SDK1: variants seen among roughly 807,000 people sequenced by gnomAD.
SDK1 encodes the protein sidekick cell adhesion molecule 1.
Under a neutral mutation model 245.5 loss-of-function variants are expected in SDK1, and 157 were observed. The observed-to-expected ratio is 0.64, with a 90% CI of 0.56 to 0.73. SDK1 has a LOEUF of 0.73. SDK1 is among the 30% of genes least tolerant of loss of function. The pLI, the probability that SDK1 is intolerant of heterozygous loss-of-function variation, is 0.00. For missense variants in SDK1, 3,583 were observed against 3,002.3 expected (o/e 1.19, Z -4.52); for synonymous variants, 1,647 against 1,278.5 (o/e 1.29, Z -6.15).
chr7:3,657,767 G>A (rs964271534), intron 4 of SDK1, among the ~76,000 whole-genome samples: 3 of 152,132 alleles, frequency 2.0e-5, no homozygotes, highest in Non-Finnish European at 2.9e-5. Context: ...ATCTTTCTGC[G>A]AGACTACTCT....
chr7:4,052,478 A>G (rs1778932032), intron 19 of SDK1, among the ~76,000 whole-genome samples: 2 of 152,362 alleles, frequency 1.3e-5, no homozygotes, highest in Admixed American at 6.5e-5. Flanking sequence ...GGGAAAAAGT[A>G]TAGAATGACA....
At chr7:3,755,717 C>A (rs1435851594) in intron 4 of SDK1, among the ~76,000 whole-genome samples, 1 of 152,062 alleles carries the variant, frequency 6.6e-6, no homozygotes, top group Non-Finnish European at 1.5e-5. Context: ...TTTGTTTGCC[C>A]CTGTAATTTT....
At chr7:4,190,028 C>T (rs992075309) in intron 35 of SDK1, among the ~76,000 whole-genome samples, 2 of 152,110 alleles carry the variant, frequency 1.3e-5, no homozygotes, top group Non-Finnish European at 2.9e-5. Flanking sequence ...TTTCAGCTCC[C>T]GCTAGTGACA....
intron 1 of SDK1, among the ~76,000 whole-genome samples, chr7:3,465,476 G>A (rs1780970287): frequency 6.6e-6 from 1 of 152,186 alleles, no homozygotes; most frequent in South Asian, 2.1e-4. Context: ...ATACTCTCTT[G>A]TGCCTCACAT....
intron 17 of SDK1, among the ~76,000 whole-genome samples, chr7:4,041,816 T>C (rs150335807): frequency 0.011 from 1,513 of 133,176 alleles, 402 homozygotes; most frequent in African/African-American, 0.037. Context: ...ACAGCTGCAA[T>C]TTTTTTTTTC....
chr7:3,762,177 T>A (rs1780125243), intron 4 of SDK1, among the ~76,000 whole-genome samples: 1 of 152,220 alleles, frequency 6.6e-6, no homozygotes, highest in South Asian at 2.1e-4. Context: ...CCTACAACAA[T>A]CCTTTCAGCT....
At chr7:3,356,237 G>C (rs1039029384) in intron 1 of SDK1, among the ~76,000 whole-genome samples, 2 of 152,064 alleles carry the variant, frequency 1.3e-5, no homozygotes, top group African/African-American at 2.4e-5. Flanking sequence ...GTACCTTTTA[G>C]ATTTGACCTC....
chr7:4,121,801 ATTCT>A (rs1481566669), intron 25 of SDK1, among the ~76,000 whole-genome samples: 5 of 152,148 alleles, frequency 3.3e-5, no homozygotes, highest in Admixed American at 6.5e-5. Flanking sequence ...CAGTTATTAC[ATTCT>A]TTCTTATTTT....
intron 22 of SDK1, among the ~76,000 whole-genome samples, chr7:4,095,876 G>A (rs1020219009): frequency 3.3e-5 from 5 of 152,134 alleles, no homozygotes; most frequent in African/African-American, 1.2e-4. Context: ...GCCCAGCCTC[G>A]CTCATTTACT....
At chr7:3,698,839 A>G (rs1052009988) in intron 4 of SDK1, among the ~76,000 whole-genome samples, 23 of 152,168 alleles carry the variant, frequency 1.5e-4, no homozygotes, top group African/African-American at 4.1e-4. Context: ...ATCTAACCCT[A>G]ATTAGTTCCC....
At chr7:3,516,083 C>A (rs891055488) in intron 1 of SDK1, among the ~76,000 whole-genome samples, 2 of 150,534 alleles carry the variant, frequency 1.3e-5, no homozygotes, top group Non-Finnish European at 3.0e-5. Context: ...GTAGAACTCA[C>A]CTTTGTTCCT....
intron 2 of SDK1, among the ~76,000 whole-genome samples, chr7:3,636,070 A>G (rs1029225097): frequency 2.6e-5 from 4 of 152,194 alleles, no homozygotes; most frequent in Admixed American, 6.6e-5. Flanking sequence ...TACGATCAAC[A>G]TAGAAAAAGC....
chr7:3,583,647 T>C (rs1015764983), intron 1 of SDK1, among the ~76,000 whole-genome samples: 9 of 152,148 alleles, frequency 5.9e-5, no homozygotes, highest in Admixed American at 1.3e-4. Flanking sequence ...GCATCTGTGC[T>C]TCTACACTTT....
intron 4 of SDK1, among the ~76,000 whole-genome samples, chr7:3,726,811 AT>A (rs1250609037): frequency 2.0e-5 from 3 of 152,184 alleles, no homozygotes; most frequent in Admixed American, 1.3e-4. Flanking sequence ...CCTCTATTAA[AT>A]GTTCTACCAA....
In SDK1 at chr7:3,624,637, T is replaced by C. The variant is rs181786346; in HGVS notation, c.458+5398T>C. Among the ~76,000 whole-genome samples the C allele has an allele frequency of 4.5e-3, 686 of 152,286 alleles. 8 individuals are homozygous for C. The highest frequency in any genetic ancestry group is 0.015 in the African/African-American group (642 of 41,558). ...TTAAGTGAATAATGGGGAGGAACTT[T>C]TTTTTCTAAAACCCAAGGCATATTA... On this transcript the variant is annotated intron_variant, in intron 2 of 44. Coordinates refer to ENST00000404826, the MANE Select transcript of SDK1 (RefSeq NM_152744.4).
intron 4 of SDK1, among the ~76,000 whole-genome samples, chr7:3,708,797 G>A (rs1444267073): frequency 6.6e-6 from 1 of 152,260 alleles, no homozygotes; most frequent in Non-Finnish European, 1.5e-5. Context: ...TACCTTACAT[G>A]TCAAGTGAGT....
At chr7:4,122,959 C>G (rs1784162514) in intron 25 of SDK1, among the ~76,000 whole-genome samples, 1 of 152,198 alleles carries the variant, frequency 6.6e-6, no homozygotes, top group South Asian at 2.1e-4. Context: ...TTAGCTGCCT[C>G]ACCTCCCTAT....
chr7:3,585,314 G>C (rs964851113), intron 1 of SDK1, among the ~76,000 whole-genome samples: 2 of 152,204 alleles, frequency 1.3e-5, no homozygotes, highest in Non-Finnish European at 2.9e-5. Context: ...AAAATAAGGA[G>C]AGGAAACAGG....
chr7:3,628,034 T>C (rs976937529), intron 2 of SDK1, among the ~76,000 whole-genome samples: 3 of 152,172 alleles, frequency 2.0e-5, no homozygotes, highest in African/African-American at 7.2e-5. Context: ...AGGTACTACT[T>C]GCAGCTCCGT....
Sources: allele counts gnomAD v4.1 joint callset (sites outside exome capture counted in the v4.1 genomes callset), GRCh38; gene constraint gnomAD v4.1.1; transcripts MANE v1.5; gene names NCBI Gene and HGNC (gene_info 2026-07-23, HGNC 2026-07-21).